The following NAA16 variants were observed in gnomAD, a reference collection of about 807,000 sequenced individuals.
NAA16 encodes the protein NARG1-like protein.
NAA16 carries 97 observed loss-of-function variants against 110.3 expected under a neutral mutation model. The observed-to-expected ratio is 0.88, with a 90% CI of 0.75 to 1.04. The LOEUF is 1.04. NAA16 is among the 50% of genes least tolerant of loss of function. NAA16 has a pLI of 0.00. For synonymous variants in NAA16, 372 were observed against 330.6 expected, an observed-to-expected ratio of 1.13 and a Z score of -1.36; for missense variants, 1,017 against 1,005.1, an observed-to-expected ratio of 1.01 and a Z score of -0.16.
chr13:41,313,865 CT>C (rs35329834), intron 1 of NAA16, among the ~76,000 whole-genome samples: 110 of 144,000 alleles, frequency 7.6e-4, no homozygotes, highest in Admixed American at 8.3e-4. Flanking sequence ...GTAGATTTGT[CT>C]TTTTTTTTTT....
At chr13:41,359,933 T>G (rs2043077743) in intron 12 of NAA16, among the ~76,000 whole-genome samples, 1 of 152,182 alleles carries the variant, frequency 6.6e-6, no homozygotes, top group Non-Finnish European at 1.5e-5. Context: ...GAAGCATTTC[T>G]TGACACCAAA....
At chr13:41,343,381 C>T (rs560073550) in intron 9 of NAA16, among the ~76,000 whole-genome samples, 9 of 152,302 alleles carry the variant, frequency 5.9e-5, no homozygotes, top group South Asian at 2.1e-4. Flanking sequence ...TGAGCCACCA[C>T]GCCTAGCTCT....
chr13:41,375,623 C>T lies in NAA16; in HGVS notation c.*21C>T. The T allele has an allele frequency of 6.4e-7, 1 of 1,560,810 alleles. No individual in the cohort carries two copies. Among genetic ancestry groups the T allele is most frequent in the African/African-American group, 1.4e-5 (1 of 73,586 alleles). ...TTTGAAATCTTCTAGAAAGTAGACT[C>T]CTATAGACTCAAAGCTGAATTGAGA... On this transcript the variant is annotated 3_prime_UTR_variant, in exon 20 of 20. Transcript: ENST00000379406.
rs763009157 is a variant in NAA16, at chr13:41,336,688, G to A, written c.946G>A (p.Val316Ile). 6.2e-6 allele frequency: 10 copies of A among 1,608,540 alleles called. No homozygotes were observed. In the South Asian group the frequency reaches 1.0e-4, roughly 16 times the overall value. ...AGAACTAATGGATAAGTTCCTGAGG[G>A]TTAACTTCAGTAAAGGCTGCCCACC... ...FRELMDKFLR[V>I]NFSKGCPPLF... Residue 316 changes from valine (V) to isoleucine (I), a missense_variant, in exon 9 of 20, where the codon GTT becomes ATT. Physicochemically the swap from Val to Ile is conservative, Grantham distance 29 (BLOSUM62 3). Transcript: ENST00000379406.
Position 41,320,296 on chromosome 13 carries a change from G to A in NAA16, c.245-371G>A, listed in dbSNP as rs117166166. ...CAAGACATCATGATGAAGAATAGGT[G>A]AATGTTGAAGTTGCTGGGGTAGGAA... On this transcript the variant is annotated intron_variant, in intron 3 of 19. Transcript: ENST00000379406. 6.8e-3 allele frequency among the ~76,000 whole-genome samples: 1,036 copies of A among 152,326 alleles called. 10 individuals carry two copies. Among genetic ancestry groups the A allele is most frequent in the Middle Eastern group, 0.031 (9 of 294 alleles).
chr13:41,313,286 C>T (rs2041699312), intron 1 of NAA16, among the ~76,000 whole-genome samples: 1 of 152,174 alleles, frequency 6.6e-6, no homozygotes, highest in Non-Finnish European at 1.5e-5. Context: ...TGTCGAATTC[C>T]TGGCTTGAAG....
At chr13:41,356,760 T>A (rs956983200) in intron 10 of NAA16, among the ~76,000 whole-genome samples, 1 of 152,234 alleles carries the variant, frequency 6.6e-6, no homozygotes, top group Non-Finnish European at 1.5e-5. Flanking sequence ...GAAAGGTCAT[T>A]TGTCTTACAT....
intron 8 of NAA16, among the ~76,000 whole-genome samples, chr13:41,333,634 C>T (rs148012049): frequency 1.7e-4 from 26 of 151,938 alleles, no homozygotes; most frequent in African/African-American, 6.3e-4. Context: ...CTTTAAAATA[C>T]ATTCATATGC....
chr13:41,325,431 A>G (rs1278653619), intron 5 of NAA16, among the ~76,000 whole-genome samples: 1 of 150,846 alleles, frequency 6.6e-6, no homozygotes, highest in Non-Finnish European at 1.5e-5. Context: ...TTTTTTTTGT[A>G]GATTCTATAG....
At chr13:41,361,992 A>G in intron 12 of NAA16, 39 bp from the exon 13 acceptor site, 1 of 1,596,404 alleles carries the variant, frequency 6.3e-7, no homozygotes, top group South Asian at 1.1e-5. Context: ...GATCTCTTTC[A>G]TTGTTTGCTC....
intron 16 of NAA16, 100 bp from the exon 17 acceptor site, chr13:41,372,632 A>G (rs2043344639): frequency 8.9e-6 from 12 of 1,342,186 alleles, no homozygotes; most frequent in Non-Finnish European, 1.1e-5. Context: ...GTTATAAAAA[A>G]GGTAGCATTT....
chr13:41,320,896 A>G lies in NAA16; in HGVS notation c.402+72A>G, dbSNP rs951130261. Reference sequence around the variant, plus strand: ...TTTAAGAGCGTGTCATTTCAGAATGAGGTGAGCATAAGCCAAAATCAAGTA... The same window carrying G: ...TTTAAGAGCGTGTCATTTCAGAATGGGGTGAGCATAAGCCAAAATCAAGTA... On this transcript the variant is annotated intron_variant, in intron 4 of 19. Coordinates refer to ENST00000379406, the MANE Select transcript of NAA16 (RefSeq NM_024561.5). The G allele has an allele frequency of 1.1e-5, 15 of 1,391,050 alleles. No homozygotes were observed. In the African/African-American group the frequency reaches 2.0e-4, roughly 19 times the overall value. 86.2% of individuals were successfully genotyped at this position (1,391,050 alleles called of 1,614,324 possible).
chr13:41,363,141 G>C (rs904691769), intron 13 of NAA16, among the ~76,000 whole-genome samples: 1 of 151,494 alleles, frequency 6.6e-6, no homozygotes, highest in African/African-American at 2.4e-5. Context: ...AAAATATAAA[G>C]CCCTTGGGAT....
chr13:41,341,803 T>G (rs2139445057), intron 9 of NAA16, among the ~76,000 whole-genome samples: 1 of 152,036 alleles, frequency 6.6e-6, no homozygotes, highest in Admixed American at 6.6e-5. Flanking sequence ...TCACTTTGTA[T>G]TGTAGTCTTT....
chr13:41,311,670 CCA>C (rs2041573372), intron 1 of NAA16, 88 bp downstream of exon 1: 4 of 1,200,318 alleles, frequency 3.3e-6, no homozygotes, highest in Non-Finnish European at 4.7e-6. Flanking sequence ...CCGGCGCGGG[CCA>C]GGCTTGGCCT....
chr13:41,359,551 A>G (rs562032297), intron 12 of NAA16, among the ~76,000 whole-genome samples: 13 of 152,326 alleles, frequency 8.5e-5, no homozygotes, highest in African/African-American at 2.6e-4. Context: ...GATTTCACAC[A>G]TATTTGGAAA....
intron 9 of NAA16, among the ~76,000 whole-genome samples, chr13:41,337,895 T>TA (rs1391104570): frequency 1.3e-5 from 2 of 152,016 alleles, no homozygotes; most frequent in East Asian, 3.9e-4. Context: ...GCAGGTTTCA[T>TA]AAACAAAAGA....
At chr13:41,332,736 T>C (rs2042273307) in intron 8 of NAA16, among the ~76,000 whole-genome samples, 1 of 152,196 alleles carries the variant, frequency 6.6e-6, no homozygotes, top group Non-Finnish European at 1.5e-5. Context: ...AATATTTGTT[T>C]AAATACTTGG....
At chr13:41,322,436 T>A (rs1284419102) in intron 4 of NAA16, among the ~76,000 whole-genome samples, 1 of 151,864 alleles carries the variant, frequency 6.6e-6, no homozygotes, top group Non-Finnish European at 1.5e-5. Flanking sequence ...GAGGAGAAAA[T>A]CATTAAAGAT....
Sources: gnomAD v4.1 joint callset for allele counts (sites outside exome capture counted in the v4.1 genomes callset) on GRCh38, gnomAD v4.1.1 for gene constraint, MANE v1.5 for transcripts, NCBI Gene and HGNC (gene_info 2026-07-23, HGNC 2026-07-21) for gene names.